The following UBE2G1 variants were observed in gnomAD, a reference collection of about 807,000 sequenced individuals.
UBE2G1 encodes ubiquitin conjugating enzyme E2 G1, also known as ubiquitin-conjugating enzyme E2 G1.
UBE2G1 carries 5 observed loss-of-function variants against 22.7 expected under a neutral mutation model. The observed-to-expected ratio is 0.22, with a 90% CI of 0.12 to 0.46. The LOEUF (loss-of-function observed/expected upper bound fraction) is 0.46. Among genes scored for constraint, UBE2G1 ranks in the 20% least tolerant of loss-of-function variants. The pLI, the probability that UBE2G1 is intolerant of heterozygous loss-of-function variation, is 0.99. For synonymous variants in UBE2G1, 74 were observed against 67.5 expected (o/e 1.10, Z -0.47); for missense variants, 88 against 203.9 (o/e 0.43, Z 3.46).
At chr17:4,326,107 A>G (rs1969502040) in intron 1 of UBE2G1, among the ~76,000 whole-genome samples, 1 of 152,170 alleles carries the variant, frequency 6.6e-6, no homozygotes, top group Non-Finnish European at 1.5e-5. Flanking sequence ...AAAAGAAAAA[A>G]TAAATGATCT....
At chr17:4,312,037 AG>A (rs10713986) in intron 1 of UBE2G1, among the ~76,000 whole-genome samples, 144,957 of 152,056 alleles carry the variant, frequency 0.95, 69,520 homozygotes, top group East Asian at 1. Context: ...ATCTGAGGTG[AG>A]GGAGTTCGAG....
At chr17:4,290,022 A>G (rs916240488) in intron 3 of UBE2G1, among the ~76,000 whole-genome samples, 4 of 152,230 alleles carry the variant, frequency 2.6e-5, no homozygotes, top group African/African-American at 9.6e-5. Flanking sequence ...AAACACATTT[A>G]ATAAGAAAAC....
chr17:4,312,286 C>T (rs373175862), intron 1 of UBE2G1, among the ~76,000 whole-genome samples: 2 of 151,974 alleles, frequency 1.3e-5, no homozygotes, highest in South Asian at 4.1e-4. Context: ...TCAGGGTTAT[C>T]AGAATATGGC....
At chr17:4,280,128 T>G (rs943424082) in intron 5 of UBE2G1, among the ~76,000 whole-genome samples, 1 of 150,246 alleles carries the variant, frequency 6.7e-6, no homozygotes, top group Non-Finnish European at 1.5e-5. Flanking sequence ...CTCCGCCTCC[T>G]GGGTTCAAGT....
chr17:4,287,969 T>C (rs1968987274), intron 4 of UBE2G1, among the ~76,000 whole-genome samples: 1 of 152,014 alleles, frequency 6.6e-6, no homozygotes, highest in South Asian at 2.1e-4. Context: ...GCATAAACAA[T>C]AATAGTACTA....
chr17:4,358,124 T>A (rs1177467077), intron 1 of UBE2G1, among the ~76,000 whole-genome samples: 3 of 152,218 alleles, frequency 2.0e-5, no homozygotes, highest in Non-Finnish European at 2.9e-5. Flanking sequence ...ACAGTTTTTT[T>A]AATTTTAACT....
At position 4,318,154 on chromosome 17, in the gene UBE2G1, G is replaced by A. The variant is rs1432443173; in HGVS notation, c.47-11031C>T. Among the ~76,000 whole-genome samples the A allele has an allele frequency of 9.2e-5, 14 of 152,252 alleles. 1 individual carries two copies. The East Asian group carries it at 2.7e-3, about 29-fold the overall frequency. ...AACACGGAGAAGATATTGTATATGC[G>A]AAAGTCTGACCCAGCTTAAGGTACA... On this transcript the variant is annotated intron_variant, in intron 1 of 5. Coordinates refer to ENST00000396981, the MANE Select transcript of UBE2G1 (RefSeq NM_003342.5).
chr17:4,327,589 GTGTT>G (rs754829015), intron 1 of UBE2G1, among the ~76,000 whole-genome samples: 33 of 152,196 alleles, frequency 2.2e-4, no homozygotes, highest in African/African-American at 3.1e-4. Flanking sequence ...ACCGGTTTGT[GTGTT>G]TGTTTATTAA....
rs1388169999 is a variant in UBE2G1 at position 4,272,467 on chromosome 17, T to C, written c.*87A>G. 5.4e-6 allele frequency: 1 copy of C among 186,690 alleles called. No homozygotes were observed. The allele number at this position is 186,690 out of a possible 1,614,324, so 11.6% of individuals were successfully genotyped here. A position where few individuals can be genotyped will look rare whatever the true frequency, so the allele number is the denominator to read the frequency against. ...AACTTGTACAACAGAAGTCCAGCAA[T>C]AGGTGGGTAGAGTGCAGGAAAAACA... On this transcript the variant is annotated 3_prime_UTR_variant, in exon 6 of 6. Transcript: ENST00000396981.
chr17:4,308,721 T>C (rs1969275373), intron 1 of UBE2G1, among the ~76,000 whole-genome samples: 1 of 152,146 alleles, frequency 6.6e-6, no homozygotes, highest in South Asian at 2.1e-4. Context: ...GTAGAGTGGT[T>C]TGAAAAGGAC....
chr17:4,282,164 C>T lies in UBE2G1; in HGVS notation c.*37+634G>A, dbSNP rs113466570. Among the ~76,000 whole-genome samples the T allele has an allele frequency of 9.7e-4, 147 of 152,264 alleles. 1 individual carries two copies. Among genetic ancestry groups the T allele is most frequent in the African/African-American group, 3.3e-3 (138 of 41,530 alleles). ...ACGGTGCAATCTTGGCTCACTGCAA[C>T]CTCCGTCTCCCAGGTTCAAGCGATT... On this transcript the variant is annotated intron_variant, in intron 5 of 5. Transcript: ENST00000396981.
At chr17:4,293,159 G>T (rs1270091938) in intron 3 of UBE2G1, among the ~76,000 whole-genome samples, 1 of 152,004 alleles carries the variant, frequency 6.6e-6, no homozygotes, top group Non-Finnish European at 1.5e-5. Flanking sequence ...CCCTCCAGCA[G>T]TAGGGAACCA....
At chr17:4,323,924 T>C (rs903007663) in intron 1 of UBE2G1, among the ~76,000 whole-genome samples, 1 of 152,124 alleles carries the variant, frequency 6.6e-6, no homozygotes, top group Non-Finnish European at 1.5e-5. Context: ...AGCATTTCAT[T>C]TGCAACCCTT....
At chr17:4,281,898 C>G (rs1024549441) in intron 5 of UBE2G1, among the ~76,000 whole-genome samples, 16 of 152,246 alleles carry the variant, frequency 1.1e-4, no homozygotes, top group African/African-American at 3.1e-4. Context: ...GACCAAATAA[C>G]CCACATGTGA....
intron 1 of UBE2G1, chr17:4,345,701 G>C (rs1227634806): frequency 2.0e-5 from 3 of 152,160 alleles, no homozygotes; most frequent in Admixed American, 1.3e-4. Context: ...AATGTTTACA[G>C]ACTTAAGACT....
intron 1 of UBE2G1, among the ~76,000 whole-genome samples, chr17:4,308,569 T>C (rs1969273726): frequency 6.6e-6 from 1 of 152,104 alleles, no homozygotes; most frequent in African/African-American, 2.4e-5. Flanking sequence ...AGTACTGATA[T>C]ACACCAGAGG....
chr17:4,323,949 G>A (rs1217364226), intron 1 of UBE2G1, among the ~76,000 whole-genome samples: 2 of 152,130 alleles, frequency 1.3e-5, no homozygotes, highest in East Asian at 3.8e-4. Context: ...TAATAATCCA[G>A]GCAAGGATGA....
At chr17:4,284,847 T>C (rs1294290846) in intron 4 of UBE2G1, among the ~76,000 whole-genome samples, 7 of 137,024 alleles carry the variant, frequency 5.1e-5, no homozygotes, top group Non-Finnish European at 1.1e-4. Flanking sequence ...TCTTTTTTTT[T>C]TTTTTTTTTT....
chr17:4,302,049 G>T (rs1049065551), intron 2 of UBE2G1: 100 of 498,224 alleles, frequency 2.0e-4, no homozygotes, highest in Non-Finnish European at 3.2e-4. Context: ...ACAAAAAAAG[G>T]GGGGGGAAGT....
Sources: allele counts gnomAD v4.1 joint callset (sites outside exome capture counted in the v4.1 genomes callset), GRCh38; gene constraint gnomAD v4.1.1; transcripts MANE v1.5; gene names NCBI Gene and HGNC (gene_info 2026-07-23, HGNC 2026-07-21).